MECR: variants seen among roughly 807,000 people sequenced by gnomAD.
MECR encodes mitochondrial trans-2-enoyl-CoA reductase.
Under a neutral mutation model 49.1 loss-of-function variants are expected in MECR, and 37 were observed. That is an observed-to-expected ratio of 0.75 (90% CI 0.58 to 0.99). MECR has a LOEUF of 0.99. Among genes scored for constraint, MECR ranks in the 50% least tolerant of loss-of-function variants. The pLI is 0.00. For missense variants in MECR, 470 were observed against 479.6 expected (o/e 0.98, Z 0.19); for synonymous variants, 198 against 191.1 (o/e 1.04, Z -0.30).
intron 1 of MECR, chr1:29,220,989 T>G (rs1680624098): frequency 1.2e-6 from 1 of 815,920 alleles, no homozygotes; most frequent in Admixed American, 6.2e-5. Flanking sequence ...TAAACGTAAT[T>G]CAACAAATAT....
intron 1 of MECR, among the ~76,000 whole-genome samples, chr1:29,226,204 G>A (rs953676560): frequency 1.3e-5 from 2 of 150,600 alleles, no homozygotes; most frequent in Admixed American, 6.6e-5. Context: ...AAGACAGAAC[G>A]GGTATATGTC....
chr1:29,215,940 C>A, intron 3 of MECR, 65 bp downstream of exon 3: 1 of 1,588,574 alleles, frequency 6.3e-7, no homozygotes, highest in Non-Finnish European at 8.6e-7. Context: ...TCAGTGGATG[C>A]CGACAGAGTG....
At chr1:29,171,840 C>T in the MECR span, 2 of 152,040 alleles carry the variant, frequency 1.3e-5, no homozygotes, top group Non-Finnish European at 2.9e-5. Flanking sequence ...TCATACAGTA[C>T]CTCAATGAGA....
At position 29,192,823 on chromosome 1, in the gene MECR, T is replaced by G. The variant is rs931313641; in HGVS notation, c.*1199A>C. On this transcript the variant is annotated 3_prime_UTR_variant, in exon 10 of 10. Coordinates refer to ENST00000263702, the MANE Select transcript of MECR (RefSeq NM_016011.5). ...TCCCTGGGGCCTAGGGCAAGATCTT[T>G]ATTCTGCTCTTACAGCACCCCACAT... 5.9e-5 allele frequency: 9 copies of G among 152,220 alleles called. No homozygotes were observed. Among genetic ancestry groups the G allele is most frequent in the African/African-American group, 2.2e-4 (9 of 41,452 alleles). 9.4% of individuals were successfully genotyped at this position (152,220 alleles called of 1,614,324 possible).
chr1:29,204,586 A>G (rs1172573242), intron 4 of MECR, among the ~76,000 whole-genome samples: 1 of 152,186 alleles, frequency 6.6e-6, no homozygotes, highest in Non-Finnish European at 1.5e-5. Context: ...TGATCACAAT[A>G]TAAAATGTAA....
chr1:29,216,228 G>C (rs1679372593), intron 2 of MECR, 92 bp from the exon 3 acceptor site: 1 of 1,508,372 alleles, frequency 6.6e-7, no homozygotes, highest in African/African-American at 1.4e-5. Context: ...GCCTGATCTG[G>C]GCTCTGCTTT....
At chr1:29,202,171 G>T in intron 5 of MECR, 126 bp from the exon 6 acceptor site, 1 of 815,026 alleles carries the variant, frequency 1.2e-6, no homozygotes, top group Non-Finnish European at 2.0e-6. Context: ...TTAGGTTTAA[G>T]CCAGGCTTGA....
chr1:29,189,773 T>A (rs1404833694), downstream of MECR, among the ~76,000 whole-genome samples: 1 of 151,974 alleles, frequency 6.6e-6, no homozygotes, highest in Non-Finnish European at 1.5e-5. Flanking sequence ...GCTGGAGGGA[T>A]TTTTTTTCAA....
chr1:29,174,657 A>G, the MECR span, among the ~76,000 whole-genome samples: 2 of 149,036 alleles, frequency 1.3e-5, no homozygotes, highest in Non-Finnish European at 3.0e-5. Flanking sequence ...GAAAAGGGAG[A>G]GACTGTGCAG....
chr1:29,209,158 C>T lies in MECR; in HGVS notation c.407-2253G>A, dbSNP rs150638672. Among the ~76,000 whole-genome samples the T allele has an allele frequency of 1.7e-4, 26 of 152,284 alleles. No homozygotes were observed. The East Asian group carries it at 2.7e-3, about 16-fold the overall frequency. ...GTAACCATGAGTTCCACTGTGAATT[C>T]GTACATATACATACATGAATGTACG... On this transcript the variant is annotated intron_variant, in intron 3 of 9. Coordinates refer to ENST00000263702, the MANE Select transcript of MECR (RefSeq NM_016011.5).
At chr1:29,202,923 T>C (rs999306204) in intron 5 of MECR, among the ~76,000 whole-genome samples, 3 of 152,206 alleles carry the variant, frequency 2.0e-5, no homozygotes, top group Admixed American at 2.0e-4. Context: ...TCTTTACATG[T>C]CAGATTCACT....
chr1:29,228,540 C>T (rs891311979), intron 1 of MECR, among the ~76,000 whole-genome samples: 8 of 152,126 alleles, frequency 5.3e-5, no homozygotes, highest in Non-Finnish European at 1.2e-4. Flanking sequence ...TTAGTAGAGA[C>T]AGGGTTTCGC....
chr1:29,168,191 A>ATT, the MECR span, among the ~76,000 whole-genome samples: 615 of 134,944 alleles, frequency 4.6e-3, 4 homozygotes, highest in Middle Eastern at 7.8e-3. Context: ...ATTTTTTGTA[A>ATT]TTTTTTTTTT....
chr1:29,196,630 G>A (rs1674062098), intron 7 of MECR, among the ~76,000 whole-genome samples: 1 of 152,220 alleles, frequency 6.6e-6, no homozygotes, highest in Non-Finnish European at 1.5e-5. Flanking sequence ...TGAGGTTGCA[G>A]TGAGCCCTGA....
the MECR span, chr1:29,170,092 GAAA>G: frequency 6.6e-6 from 1 of 152,188 alleles, no homozygotes; most frequent in Non-Finnish European, 1.5e-5. Context: ...TGGCTTTCCT[GAAA>G]GGGAGGGCAG....
intron 1 of MECR, chr1:29,223,000 G>A (rs1681145102): frequency 1.3e-6 from 1 of 753,034 alleles, no homozygotes; most frequent in Non-Finnish European, 1.6e-6. Flanking sequence ...TAAACCTCTA[G>A]TGTAATGATA....
intron 3 of MECR, 83 bp from the exon 4 acceptor site, chr1:29,206,988 C>T (rs1676761889): frequency 2.0e-6 from 3 of 1,510,492 alleles, no homozygotes; most frequent in Admixed American, 1.7e-5. Context: ...GGCCAAGAAG[C>T]ATCCAGGATA....
chr1:29,229,288 C>T (rs1039893181), intron 1 of MECR, among the ~76,000 whole-genome samples: 6 of 151,924 alleles, frequency 3.9e-5, no homozygotes, highest in East Asian at 1.9e-4. Context: ...CTGCAACCTC[C>T]GCCTCCTGGG....
chr1:29,181,500 C>T, the MECR span: 121 of 633,008 alleles, frequency 1.9e-4, no homozygotes, highest in Non-Finnish European at 2.0e-4. Context: ...CCTACCCGCG[C>T]CCCCGAGGCG....
Sources: allele counts gnomAD v4.1 joint callset (sites outside exome capture counted in the v4.1 genomes callset), GRCh38; gene constraint gnomAD v4.1.1; transcripts MANE v1.5; gene names NCBI Gene and HGNC (gene_info 2026-07-23, HGNC 2026-07-21).